Variants in SPATA31D1 observed in about 807,000 individuals in gnomAD.
SPATA31D1 encodes spermatogenesis-associated protein 31D1.
A neutral mutation model predicts 13.2 loss-of-function variants in SPATA31D1; 6 were observed. That is an observed-to-expected ratio of 0.46 (90% CI 0.25 to 0.90). SPATA31D1 has a LOEUF of 0.90. Among genes scored for constraint, SPATA31D1 ranks in the 40% least tolerant of loss-of-function variants. The pLI, the probability that SPATA31D1 is intolerant of heterozygous loss-of-function variation, is 0.18. For missense variants in SPATA31D1, 2,445 were observed against 1,884.7 expected, an observed-to-expected ratio of 1.30 and a Z score of -5.50; for synonymous variants, 903 against 718.8, an observed-to-expected ratio of 1.26 and a Z score of -4.10.
rs375482322 is a variant in SPATA31D1, at chr9:81,990,895, A to G, written c.425A>G (p.Gln142Arg). Residue 142 changes from glutamine to arginine, a missense_variant, in exon 4 of 4, where the codon CAA becomes CGA. By Grantham distance (43) the Gln-to-Arg change is conservative. Coordinates refer to ENST00000344803, the MANE Select transcript of SPATA31D1 (RefSeq NM_001001670.3). The part of the protein sequence containing the change: ...VCKRATADIQ[Q>R]LLSWESLKDA... ...AAGAGAGCAACTGCTGATATCCAGC[A>G]ACTGCTGTCTTGGGAGTCCCTGAAA... The G allele has an allele frequency of 3.1e-5, 50 of 1,613,750 alleles. No homozygotes were observed. Among genetic ancestry groups the G allele is most frequent in the Middle Eastern group, 1.6e-4 (1 of 6,084 alleles).
chr9:81,994,085 G>T lies in SPATA31D1; in HGVS notation c.3615G>T (p.Leu1205Phe). The T allele has an allele frequency of 6.2e-7, 1 of 1,613,760 alleles. No individual in the cohort carries two copies. The highest frequency in any genetic ancestry group is 8.5e-7 in the Non-Finnish European group (1 of 1,179,794). ...PKSSYLKNQM[L>F]SQLKLVQRKH... Reference sequence around the variant, plus strand: ...CATCATACCTTAAAAATCAGATGTTGAGCCAGTTAAAGTTGGTCCAGAGGA... The same window carrying T: ...CATCATACCTTAAAAATCAGATGTTTAGCCAGTTAAAGTTGGTCCAGAGGA... Residue 1205 changes from leucine to phenylalanine, a missense_variant, in exon 4 of 4, where the codon TTG becomes TTT. Coordinates refer to ENST00000344803, the MANE Select transcript of SPATA31D1 (RefSeq NM_001001670.3).
At position 81,993,087 on chromosome 9, in the gene SPATA31D1, C is replaced by T. The variant is rs1235943709; in HGVS notation, c.2617C>T (p.His873Tyr). ...LPEKSHSQIK[H>Y]RNLVTLVSED... ...TGAGAAATCCCACAGCCAAATTAAA[C>T]ATCGAAATCTGGTAACATTGGTGAG... is the stretch of plus-strand genomic sequence containing the variant. Residue 873 changes from histidine to tyrosine, a missense_variant, in exon 4 of 4, where the codon CAT becomes TAT. His to Tyr is a moderately conservative substitution (Grantham distance 83). Coordinates refer to ENST00000344803, the MANE Select transcript of SPATA31D1 (RefSeq NM_001001670.3). 4.3e-6 allele frequency: 7 copies of T among 1,613,826 alleles called. No homozygotes were observed. The highest frequency in any genetic ancestry group is 5.9e-6 in the Non-Finnish European group (7 of 1,179,778).
At chr9:81,990,511 C>T (rs755698790) in intron 3 of SPATA31D1, 25 bp downstream of exon 3, 214 of 1,574,636 alleles carry the variant, frequency 1.4e-4, no homozygotes, top group Non-Finnish European at 1.8e-4. Context: ...CCTTTGTGTC[C>T]TGTTCCCACC....
Position 81,992,166 on chromosome 9 carries a change from A to T in SPATA31D1, c.1696A>T (p.Thr566Ser), listed in dbSNP as rs1564174276. The change falls in exon 4 of 4, where the codon ACC (threonine) becomes TCC (serine). Residue 566 changes from threonine to serine, a missense_variant. Thr to Ser is a moderately conservative substitution (Grantham distance 58). Transcript: ENST00000344803. ...PSTQPLPLPQ[T>S]LPQGQSPHLT... is the part of the protein sequence containing the mutation. ...TACCCAACCACTACCCTTGCCTCAA[A>T]CCCTGCCCCAAGGTCAGTCCCCACA... 3 of 1,613,554 alleles carry T rather than the reference A, an allele frequency of 1.9e-6. No individual in the cohort carries two copies. Among genetic ancestry groups the T allele is most frequent in the Non-Finnish European group, 2.5e-6 (3 of 1,179,694 alleles).
In SPATA31D1 at chr9:81,993,018, G is replaced by T. The variant is rs767801695; in HGVS notation, c.2548G>T (p.Val850Leu). ...EINEGRMPGT[V>L]HSSWHSVKQT... is the part of the protein sequence containing the mutation. ...CAATGAGGGTCGAATGCCTGGGACT[G>T]TGCATAGTTCATGGCACTCAGTCAA... is the stretch of plus-strand genomic sequence containing the variant. Residue 850 changes from valine (V) to leucine (L), a missense_variant, in exon 4 of 4, where the codon GTG (valine) becomes TTG (leucine). Coordinates refer to ENST00000344803, the MANE Select transcript of SPATA31D1 (RefSeq NM_001001670.3). 3 of 1,613,774 alleles carry T rather than the reference G, an allele frequency of 1.9e-6. No individual in the cohort carries two copies. Among genetic ancestry groups the T allele is most frequent in the Non-Finnish European group, 1.7e-6 (2 of 1,179,732 alleles).
chr9:81,990,580 A>C, intron 3 of SPATA31D1, 94 bp downstream of exon 3: 3 of 1,392,650 alleles, frequency 2.2e-6, no homozygotes, highest in Non-Finnish European at 2.9e-6. Context: ...AGCCTGCTGT[A>C]GTTTTGGGAG....
chr9:81,987,856 G>T (rs1246556797), upstream of SPATA31D1, among the ~76,000 whole-genome samples: 1 of 152,128 alleles, frequency 6.6e-6, no homozygotes, highest in Non-Finnish European at 1.5e-5. Flanking sequence ...TAAAAAACTG[G>T]CTAAAATGAA....
chr9:81,993,838 G>C lies in SPATA31D1; in HGVS notation c.3368G>C (p.Gly1123Ala), dbSNP rs775764628. 2 of 1,614,006 alleles carry C rather than the reference G, an allele frequency of 1.2e-6. No homozygotes were observed. Among genetic ancestry groups the C allele is most frequent in the Non-Finnish European group, 1.7e-6 (2 of 1,179,898 alleles). The change falls in exon 4 of 4, where the codon GGC (glycine) becomes GCC (alanine). Residue 1123 changes from glycine (G) to alanine (A), a missense_variant. By Grantham distance (60) the Gly-to-Ala change is moderately conservative. Transcript: ENST00000344803. Reference sequence around the variant, plus strand: ...CTGCCCATAATGCAAGCTGGAGCTGGCTGTGAGTCATGGGATAAGAGAAAG... The same window carrying C: ...CTGCCCATAATGCAAGCTGGAGCTGCCTGTGAGTCATGGGATAAGAGAAAG... ...AELPIMQAGA[G>A]CESWDKRKSS...
chr9:81,990,384 C>G, intron 2 of SPATA31D1, 33 bp from the exon 3 acceptor site: 1 of 1,532,906 alleles, frequency 6.5e-7, no homozygotes. Context: ...AGCCGTGTGC[C>G]TCTATCTTCA....
rs372292599 is a variant in SPATA31D1 at position 81,994,061 on chromosome 9, A to G, written c.3591A>G (p.Ser1197=). 3 of 1,613,750 alleles carry G rather than the reference A, an allele frequency of 1.9e-6. No individual in the cohort carries two copies. The highest frequency in any genetic ancestry group is 1.3e-5 in the African/African-American group (1 of 74,932). ...PRISVPQDPK[S]SYLKNQMLSQ... ...TATCAGTTCCTCAAGATCCTAAATCATCATACCTTAAAAATCAGATGTTGA... is the reference window on the plus strand; with the variant it reads ...TATCAGTTCCTCAAGATCCTAAATCGTCATACCTTAAAAATCAGATGTTGA... The change falls in exon 4 of 4, where the codon TCA becomes TCG. Residue 1197 remains serine (S), a synonymous_variant. Coordinates refer to ENST00000344803, the MANE Select transcript of SPATA31D1 (RefSeq NM_001001670.3).
chr9:81,988,168 C>A (rs1157807271), upstream of SPATA31D1, among the ~76,000 whole-genome samples: 1 of 152,106 alleles, frequency 6.6e-6, no homozygotes, highest in Non-Finnish European at 1.5e-5. Context: ...CAATAAAAAC[C>A]TTCTTTTCTC....
intron 3 of SPATA31D1, 22 bp from the exon 4 acceptor site, chr9:81,990,751 C>G: frequency 6.3e-7 from 1 of 1,584,742 alleles, no homozygotes; most frequent in Non-Finnish European, 8.6e-7. Flanking sequence ...ATCTCCTTTC[C>G]TTGTTCTGGT....
At position 81,994,747 on chromosome 9, in the gene SPATA31D1, C is replaced by A. The variant is rs762916490; in HGVS notation, c.4277C>A (p.Thr1426Asn). The A allele has an allele frequency of 6.2e-7, 1 of 1,613,948 alleles. No individual in the cohort carries two copies. Among genetic ancestry groups the A allele is most frequent in the South Asian group, 1.1e-5 (1 of 91,074 alleles). Reference protein sequence around the residue: ...KLGHRHGIDITCPQEPLSFPV... With the variant: ...KLGHRHGIDINCPQEPLSFPV... The stretch of plus-strand genomic sequence containing the variant: ...GGGCATAGGCATGGGATAGATATCA[C>A]CTGTCCCCAAGAGCCCCTTTCCTTC... Residue 1426 changes from threonine to asparagine, a missense_variant, in exon 4 of 4, where the codon ACC (threonine) becomes AAC (asparagine). By Grantham distance (65) the Thr-to-Asn change is moderately conservative. Coordinates refer to ENST00000344803, the MANE Select transcript of SPATA31D1 (RefSeq NM_001001670.3).
Position 81,993,938 on chromosome 9 carries a change from A to G in SPATA31D1, c.3468A>G (p.Gln1156=), listed in dbSNP as rs2133443742. The change falls in exon 4 of 4, where the codon CAA becomes CAG. Residue 1156 remains glutamine (Q), a synonymous_variant. Coordinates refer to ENST00000344803, the MANE Select transcript of SPATA31D1 (RefSeq NM_001001670.3). Reference sequence around the variant, plus strand: ...CTGTCACCAATGCTCTTCAATCACAAACTAGGAACAACTTGACAACCAGCA... The same window carrying G: ...CTGTCACCAATGCTCTTCAATCACAGACTAGGAACAACTTGACAACCAGCA... ...TFPVTNALQS[Q]TRNNLTTSKS... 1 of 1,613,916 alleles carries G rather than the reference A, an allele frequency of 6.2e-7. No individual in the cohort carries two copies. Among genetic ancestry groups the G allele is most frequent in the Non-Finnish European group, 8.5e-7 (1 of 1,179,814 alleles).
Position 81,994,314 on chromosome 9 carries a change from T to C in SPATA31D1, c.3844T>C (p.Cys1282Arg), listed in dbSNP as rs1825048728. Residue 1282 changes from cysteine (C) to arginine (R), a missense_variant, in exon 4 of 4, where the codon TGT becomes CGT. Physicochemically the swap from Cys to Arg is radical, Grantham distance 180. Transcript: ENST00000344803. Reference protein sequence around the residue: ...PRVPTCVLQKCQVTNFPPAVN... With the variant: ...PRVPTCVLQKRQVTNFPPAVN... The stretch of plus-strand genomic sequence containing the variant: ...GGTCCCTACCTGTGTCTTACAGAAG[T>C]GTCAAGTTACGAATTTCCCACCAGC... 1.2e-6 allele frequency: 2 copies of C among 1,613,776 alleles called. No homozygotes were observed. The highest frequency in any genetic ancestry group is 1.3e-5 in the African/African-American group (1 of 74,890).
chr9:81,993,516 G>T lies in SPATA31D1; in HGVS notation c.3046G>T (p.Asp1016Tyr), dbSNP rs543520448. The T allele has an allele frequency of 3.7e-6, 6 of 1,613,970 alleles. No homozygotes were observed. Among genetic ancestry groups the T allele is most frequent in the South Asian group, 1.1e-5 (1 of 91,076 alleles). Reference sequence around the variant, plus strand: ...TACTGACCATGACCTTATAGAGACAGATTCCAAAGACGGGGCCTCCACATC... The same window carrying T: ...TACTGACCATGACCTTATAGAGACATATTCCAAAGACGGGGCCTCCACATC... ...SDTDHDLIET[D>Y]SKDGASTSLR... The change falls in exon 4 of 4, where the codon GAT becomes TAT. Residue 1016 changes from aspartate to tyrosine, a missense_variant. Asp to Tyr is a radical substitution (Grantham distance 160). Coordinates refer to ENST00000344803, the MANE Select transcript of SPATA31D1 (RefSeq NM_001001670.3).
intron 1 of SPATA31D1, 110 bp from the exon 2 acceptor site, chr9:81,989,666 AAG>A: frequency 8.7e-7 from 1 of 1,152,852 alleles, no homozygotes; most frequent in Non-Finnish European, 1.2e-6. Context: ...CTATTAATTA[AAG>A]AGTAATATTC....
Position 81,991,228 on chromosome 9 carries a change from T to G in SPATA31D1, c.758T>G (p.Ile253Ser). Residue 253 changes from isoleucine to serine, a missense_variant, in exon 4 of 4, where the codon ATT becomes AGT. Physicochemically the swap from Ile to Ser is moderately radical, Grantham distance 142. Coordinates refer to ENST00000344803, the MANE Select transcript of SPATA31D1 (RefSeq NM_001001670.3). ...LPFPLLPPHH[I>S]ERVESSLQPE... ...TTTCCCCTTCTCCCACCACATCACATTGAGAGAGTGGAGTCCAGCCTCCAA... is the reference window on the plus strand; with the variant it reads ...TTTCCCCTTCTCCCACCACATCACAGTGAGAGAGTGGAGTCCAGCCTCCAA... 3 of 1,613,980 alleles carry G rather than the reference T, an allele frequency of 1.9e-6. No individual in the cohort carries two copies. Among genetic ancestry groups the G allele is most frequent in the Middle Eastern group, 1.6e-4 (1 of 6,062 alleles).
Position 81,995,143 on chromosome 9 carries a change from C to A in SPATA31D1, c.4673C>A (p.Thr1558Asn), listed in dbSNP as rs1163343853. ...GTGTTTAGTGATGTGCCTTTCCTAA[C>A]TGGACAGAAAATGCTTCCAAAGCAT... Reference protein sequence around the residue: ...SPVFSDVPFLTGQKMLPKHLQ... With the variant: ...SPVFSDVPFLNGQKMLPKHLQ... The change falls in exon 4 of 4, where the codon ACT (threonine) becomes AAT (asparagine). Residue 1558 changes from threonine (T) to asparagine (N), a missense_variant. Thr to Asn is a moderately conservative substitution (Grantham distance 65). Transcript: ENST00000344803. 3 of 1,591,730 alleles carry A rather than the reference C, an allele frequency of 1.9e-6. No individual in the cohort carries two copies. The highest frequency in any genetic ancestry group is 2.6e-6 in the Non-Finnish European group (3 of 1,168,390).
Sources: allele counts gnomAD v4.1 joint callset (sites outside exome capture counted in the v4.1 genomes callset), GRCh38; gene constraint gnomAD v4.1.1; transcripts MANE v1.5; gene names NCBI Gene and HGNC (gene_info 2026-07-23, HGNC 2026-07-21).